Variants in LRRC4C observed in about 807,000 individuals in gnomAD.
LRRC4C encodes the protein leucine-rich repeat-containing protein 4C.
LRRC4C carries 5 observed loss-of-function variants against 33.6 expected under a neutral mutation model. The observed-to-expected ratio is 0.15, with a 90% CI of 0.08 to 0.31. LRRC4C has a LOEUF of 0.31. Among genes scored for constraint, LRRC4C ranks in the 10% least tolerant of loss-of-function variants. The pLI is 1.00. For missense variants in LRRC4C, 560 were observed against 796.7 expected, an observed-to-expected ratio of 0.70 and a Z score of 3.58; for synonymous variants, 329 against 302.0, an observed-to-expected ratio of 1.09 and a Z score of -0.93.
At chr11:40,604,684 G>A (rs1327152100) in intron 3 of LRRC4C, among the ~76,000 whole-genome samples, 2 of 151,608 alleles carry the variant, frequency 1.3e-5, no homozygotes, top group Non-Finnish European at 2.9e-5. Context: ...ACAACACAAA[G>A]GTATTATATT....
intron 1 of LRRC4C, among the ~76,000 whole-genome samples, chr11:41,216,837 T>G (rs1947084025): frequency 6.6e-6 from 1 of 152,192 alleles, no homozygotes; most frequent in African/African-American, 2.4e-5. Flanking sequence ...ATTCAAAAAC[T>G]AAAAATAATA....
chr11:41,334,312 C>G (rs960137599), intron 1 of LRRC4C, among the ~76,000 whole-genome samples: 4 of 152,180 alleles, frequency 2.6e-5, no homozygotes, highest in Non-Finnish European at 5.9e-5. Flanking sequence ...AACCAGCAGC[C>G]TTTACCTGTG....
In LRRC4C at chr11:41,213,875, C is replaced by A. The variant is rs531435520; in HGVS notation, c.-496+245556G>T. ...CAACTTACATTAAGTTCCTTCCTTG[C>A]AGATCCAACTGGTGCAATATAGAAC... On this transcript the variant is annotated intron_variant, in intron 1 of 6. Coordinates refer to ENST00000528697, the MANE Select transcript of LRRC4C (RefSeq NM_001258419.2). Among the ~76,000 whole-genome samples the A allele has an allele frequency of 3.9e-5, 6 of 152,332 alleles. No individual in the cohort carries two copies. In the South Asian group the frequency reaches 1.0e-3, roughly 26 times the overall value.
chr11:40,628,480 A>AAAAAAC (rs1555123959), intron 3 of LRRC4C, among the ~76,000 whole-genome samples: 13 of 150,818 alleles, frequency 8.6e-5, no homozygotes, highest in Non-Finnish European at 1.3e-4. Context: ...TCCATCTCAA[A>AAAAAAC]AAAACAAAAC....
chr11:40,154,225 A>G (rs1345809621), intron 5 of LRRC4C, among the ~76,000 whole-genome samples: 2 of 152,102 alleles, frequency 1.3e-5, no homozygotes, highest in East Asian at 3.9e-4. Flanking sequence ...TTTCAGACAA[A>G]CAAATGCTGA....
intron 1 of LRRC4C, among the ~76,000 whole-genome samples, chr11:41,418,658 CAT>C (rs1433957885): frequency 3.3e-5 from 5 of 151,972 alleles, no homozygotes; most frequent in African/African-American, 1.2e-4. Flanking sequence ...ATGATAATAA[CAT>C]GTGAAAAACA....
intron 6 of LRRC4C, among the ~76,000 whole-genome samples, chr11:40,131,494 A>G (rs1331556811): frequency 6.6e-6 from 1 of 152,206 alleles, no homozygotes; most frequent in Non-Finnish European, 1.5e-5. Context: ...TATGCTCAAT[A>G]TAGGAATAAA....
At chr11:40,182,418 T>A (rs1349279845) in intron 5 of LRRC4C, among the ~76,000 whole-genome samples, 1 of 152,002 alleles carries the variant, frequency 6.6e-6, no homozygotes, top group Non-Finnish European at 1.5e-5. Context: ...AAAAAAAGAG[T>A]TACTGTATAA....
At chr11:40,874,593 C>T (rs541772655) in intron 2 of LRRC4C, among the ~76,000 whole-genome samples, 38 of 152,224 alleles carry the variant, frequency 2.5e-4, no homozygotes, top group African/African-American at 6.7e-4. Context: ...CCTACCTACC[C>T]GAAATGCTGC....
intron 3 of LRRC4C, among the ~76,000 whole-genome samples, chr11:40,615,265 T>TATATATATATATATATATATAC (rs1490740198): frequency 1.1e-4 from 6 of 53,430 alleles, no homozygotes; most frequent in South Asian, 6.5e-4. Context: ...TATATATATA[T>TATATATATATATATATATATAC]ACACACACAC....
intron 4 of LRRC4C, among the ~76,000 whole-genome samples, chr11:40,290,472 CTAGTT>C (rs1021022177): frequency 6.6e-6 from 1 of 152,242 alleles, no homozygotes; most frequent in African/African-American, 2.4e-5. Flanking sequence ...CAGCTGTAGG[CTAGTT>C]TAGTTAAGGA....
chr11:40,385,721 G>T (rs555566490), intron 3 of LRRC4C, among the ~76,000 whole-genome samples: 89 of 151,928 alleles, frequency 5.9e-4, no homozygotes, highest in African/African-American at 2.1e-3. Context: ...ACAAAAATTA[G>T]CTGGGCATGG....
At chr11:40,555,772 G>A (rs1000785389) in intron 3 of LRRC4C, among the ~76,000 whole-genome samples, 2 of 152,172 alleles carry the variant, frequency 1.3e-5, no homozygotes, top group African/African-American at 4.8e-5. Flanking sequence ...AATTCAAAGG[G>A]TTAAAAATGG....
At chr11:40,978,719 T>G (rs1049356223) in intron 1 of LRRC4C, among the ~76,000 whole-genome samples, 1 of 151,742 alleles carries the variant, frequency 6.6e-6, no homozygotes. Context: ...CCTCCCAGGT[T>G]CAAGCGATTC....
At chr11:41,082,203 G>A (rs1939625471) in intron 1 of LRRC4C, among the ~76,000 whole-genome samples, 1 of 152,144 alleles carries the variant, frequency 6.6e-6, no homozygotes, top group Admixed American at 6.6e-5. Context: ...AATACATGAA[G>A]TGGAATCAGC....
chr11:40,577,836 T>C (rs987255730), intron 3 of LRRC4C, among the ~76,000 whole-genome samples: 19 of 69,402 alleles, frequency 2.7e-4, no homozygotes, highest in East Asian at 1.0e-3. Context: ...TTTTTTCTTT[T>C]TTTTTTTTTT....
chr11:40,399,066 C>T (rs1351856828), intron 3 of LRRC4C, among the ~76,000 whole-genome samples: 1 of 152,056 alleles, frequency 6.6e-6, no homozygotes, highest in Admixed American at 6.6e-5. Context: ...GAATTAGAAT[C>T]ATACACTTAG....
intron 3 of LRRC4C, among the ~76,000 whole-genome samples, chr11:40,331,310 A>G (rs531784407): frequency 2.0e-5 from 3 of 152,330 alleles, no homozygotes; most frequent in Admixed American, 6.5e-5. Flanking sequence ...ATATAATCAA[A>G]GCTAAAGGAA....
intron 1 of LRRC4C, among the ~76,000 whole-genome samples, chr11:41,364,527 G>A (rs921683675): frequency 5.3e-5 from 8 of 151,974 alleles, no homozygotes; most frequent in Admixed American, 1.3e-4. Flanking sequence ...CCACCTGCCT[G>A]GGCCTCCCAA....
Sources: allele counts gnomAD v4.1 joint callset (sites outside exome capture counted in the v4.1 genomes callset), GRCh38; gene constraint gnomAD v4.1.1; transcripts MANE v1.5; gene names NCBI Gene and HGNC (gene_info 2026-07-23, HGNC 2026-07-21).